The following GRIN2A variants were observed in gnomAD, a reference collection of about 807,000 sequenced individuals.
The protein encoded by GRIN2A is glutamate ionotropic receptor NMDA type subunit 2A, also known as glutamate receptor ionotropic, NMDA 2A.
In GRIN2A, 22 loss-of-function variants were observed where a neutral mutation model predicts 113.4. That is an observed-to-expected ratio of 0.19 (90% CI 0.14 to 0.28). The LOEUF (loss-of-function observed/expected upper bound fraction) is 0.28. Ranked by LOEUF, GRIN2A falls within the 10% of genes least tolerant of loss-of-function variation. The pLI is 1.00. For synonymous variants in GRIN2A, 827 were observed against 738.4 expected (o/e 1.12, Z -1.94); for missense variants, 1,502 against 1,887.0 (o/e 0.80, Z 3.78).
chr16:10,112,858 A>G, intron 2 of GRIN2A: 1 of 551,970 alleles, frequency 1.8e-6, no homozygotes, highest in Admixed American at 2.1e-5. Flanking sequence ...CATGGCCTGC[A>G]CGCTTACCAG....
chr16:10,072,230 T>C (rs976599797), intron 2 of GRIN2A, among the ~76,000 whole-genome samples: 1 of 152,188 alleles, frequency 6.6e-6, no homozygotes, highest in African/African-American at 2.4e-5. Context: ...GGTAGGGAAA[T>C]TGGAGGTACG....
At chr16:9,970,972 A>C (rs1287958870) in intron 2 of GRIN2A, 1 of 152,262 alleles carries the variant, frequency 6.6e-6, no homozygotes, top group Non-Finnish European at 1.5e-5. Context: ...GAGAAGACAA[A>C]GAGTTGTGTA....
At chr16:9,850,077 T>A (rs938436633) in intron 4 of GRIN2A, 116 bp from the exon 5 acceptor site, 2 of 820,946 alleles carry the variant, frequency 2.4e-6, no homozygotes, top group African/African-American at 1.7e-5. Flanking sequence ...CTGCCACATA[T>A]CTCAACATAT....
chr16:9,899,864 C>A (rs112427312), intron 3 of GRIN2A, among the ~76,000 whole-genome samples: 2 of 152,212 alleles, frequency 1.3e-5, no homozygotes, highest in Admixed American at 1.3e-4. Flanking sequence ...AGTACAACAA[C>A]TGCCAAGAGG....
intron 2 of GRIN2A, among the ~76,000 whole-genome samples, chr16:10,044,022 T>TATATATTTATAG (rs531659457): frequency 9.3e-6 from 1 of 107,984 alleles, no homozygotes; most frequent in Non-Finnish European, 1.8e-5. Flanking sequence ...TATATATATA[T>TATATATTTATAG]AGAGAGAGAG....
chr16:9,907,196 A>G (rs1482716747), intron 3 of GRIN2A, among the ~76,000 whole-genome samples: 1 of 152,186 alleles, frequency 6.6e-6, no homozygotes, highest in African/African-American at 2.4e-5. Flanking sequence ...GAGATTATAA[A>G]CATTTGTGCA....
chr16:9,913,767 T>G (rs1186402205), intron 3 of GRIN2A, among the ~76,000 whole-genome samples: 1 of 152,226 alleles, frequency 6.6e-6, no homozygotes, highest in Non-Finnish European at 1.5e-5. Context: ...TCCAACTTTT[T>G]TTTTAGCTTT....
intron 2 of GRIN2A, among the ~76,000 whole-genome samples, chr16:10,130,101 T>A (rs1355100665): frequency 6.6e-6 from 1 of 151,986 alleles, no homozygotes; most frequent in Non-Finnish European, 1.5e-5. Flanking sequence ...GAAGGAGAGA[T>A]AGGTATGGGG....
At chr16:9,796,672 T>C (rs2141225128) in intron 11 of GRIN2A, among the ~76,000 whole-genome samples, 1 of 152,336 alleles carries the variant, frequency 6.6e-6, no homozygotes, top group African/African-American at 2.4e-5. Context: ...AGGTAGCTGC[T>C]ACCTTTTCAG....
intron 10 of GRIN2A, among the ~76,000 whole-genome samples, chr16:9,821,421 G>T (rs1043234044): frequency 1.8e-4 from 27 of 152,080 alleles, no homozygotes; most frequent in African/African-American, 6.5e-4. Flanking sequence ...CAAGCAGAAA[G>T]AAACCAATGT....
At chr16:10,039,152 TG>T (rs1159177499) in intron 2 of GRIN2A, among the ~76,000 whole-genome samples, 1 of 151,832 alleles carries the variant, frequency 6.6e-6, no homozygotes, top group African/African-American at 2.4e-5. Context: ...TCCCCACTGA[TG>T]TCTGTTGATC....
chr16:10,054,519 T>C (rs1431587193), intron 2 of GRIN2A, among the ~76,000 whole-genome samples: 3 of 152,228 alleles, frequency 2.0e-5, no homozygotes, highest in Admixed American at 2.0e-4. Context: ...GCCCACATCC[T>C]ATGACCCAGA....
intron 2 of GRIN2A, among the ~76,000 whole-genome samples, chr16:10,169,786 C>T (rs1238462339): frequency 2.0e-5 from 3 of 152,166 alleles, no homozygotes; most frequent in Non-Finnish European, 4.4e-5. Context: ...GCACTCCAAA[C>T]AACAGAAGAG....
chr16:10,132,590 A>C (rs2142223215), intron 2 of GRIN2A, among the ~76,000 whole-genome samples: 1 of 152,276 alleles, frequency 6.6e-6, no homozygotes, highest in East Asian at 1.9e-4. Context: ...TAGGCATTGG[A>C]ATCATTCGGG....
intron 2 of GRIN2A, among the ~76,000 whole-genome samples, chr16:10,145,290 C>T (rs1229611376): frequency 6.6e-6 from 1 of 152,088 alleles, no homozygotes; most frequent in Non-Finnish European, 1.5e-5. Context: ...GTATTCTGCC[C>T]TTAAAATGTT....
At position 9,753,603 on chromosome 16, in the gene GRIN2A, A is replaced by G; in HGVS notation, c.*9546T>C. ...GAACAAAATTAAAAGACATACTACA[A>G]GAAGACAACCATAGTATATACTTCC... On this transcript the variant is annotated 3_prime_UTR_variant, in exon 13 of 13. Transcript: ENST00000330684. The G allele has an allele frequency of 5.1e-6, 1 of 196,602 alleles. No homozygotes were observed. The highest frequency in any genetic ancestry group is 1.1e-5 in the Non-Finnish European group (1 of 94,600). 12.2% of individuals were successfully genotyped at this position (196,602 alleles called of 1,614,324 possible). A position where few individuals can be genotyped will look rare whatever the true frequency, so the allele number is the denominator to read the frequency against.
intron 5 of GRIN2A, among the ~76,000 whole-genome samples, chr16:9,845,333 T>C (rs956548012): frequency 3.3e-5 from 5 of 152,332 alleles, no homozygotes; most frequent in African/African-American, 9.6e-5. Context: ...GATCTACTTG[T>C]TTTCAGCTCC....
At chr16:9,790,314 C>A (rs1902529521) in intron 11 of GRIN2A, among the ~76,000 whole-genome samples, 1 of 152,172 alleles carries the variant, frequency 6.6e-6, no homozygotes. Flanking sequence ...GTCTAGGAGG[C>A]AGAGAACCTG....
At chr16:9,804,984 C>T (rs1195288568) in intron 10 of GRIN2A, among the ~76,000 whole-genome samples, 1 of 152,176 alleles carries the variant, frequency 6.6e-6, no homozygotes, top group African/African-American at 2.4e-5. Flanking sequence ...GGTTTCCTGC[C>T]ATCCTTATTG....
Sources: allele counts gnomAD v4.1 joint callset (sites outside exome capture counted in the v4.1 genomes callset), GRCh38; gene constraint gnomAD v4.1.1; transcripts MANE v1.5; gene names NCBI Gene and HGNC (gene_info 2026-07-23, HGNC 2026-07-21).